Variants in CSMD1 observed in about 807,000 individuals in gnomAD.
The protein encoded by CSMD1 is CUB and sushi domain-containing protein 1.
A neutral mutation model predicts 417.5 loss-of-function variants in CSMD1; 213 were observed. The ratio of observed to expected loss-of-function variants is 0.51; its 90% CI spans 0.46 to 0.57. The LOEUF is 0.57. Ranked by LOEUF, CSMD1 falls within the 20% of genes least tolerant of loss-of-function variation. The pLI is 0.00. For synonymous variants in CSMD1, 2,862 were observed against 1,736.8 expected, an observed-to-expected ratio of 1.65 and a Z score of -16.11; for missense variants, 6,923 against 4,529.7, an observed-to-expected ratio of 1.53 and a Z score of -15.17.
chr8:4,419,676 A>C (rs770166965), intron 3 of CSMD1, among the ~76,000 whole-genome samples: 2 of 152,194 alleles, frequency 1.3e-5, no homozygotes, highest in Non-Finnish European at 2.9e-5. Flanking sequence ...GTTTATAGTC[A>C]AATTTCTCAA....
At chr8:4,019,945 G>T (rs1475545193) in intron 4 of CSMD1, among the ~76,000 whole-genome samples, 5 of 147,372 alleles carry the variant, frequency 3.4e-5, no homozygotes, top group African/African-American at 5.0e-5. Context: ...TTTTTTTTAA[G>T]AGCTACCAAT....
At chr8:3,468,472 C>A (rs1430778501) in intron 12 of CSMD1, among the ~76,000 whole-genome samples, 2 of 152,180 alleles carry the variant, frequency 1.3e-5, no homozygotes, top group African/African-American at 4.8e-5. Flanking sequence ...TAATACTTCA[C>A]CTCACTCTTT....
intron 3 of CSMD1, among the ~76,000 whole-genome samples, chr8:4,260,018 G>A (rs997913815): frequency 1.5e-5 from 1 of 66,780 alleles, no homozygotes; most frequent in African/African-American, 4.4e-5. Flanking sequence ...ATGTCTTCTT[G>A]TGCACACTTT....
intron 6 of CSMD1, among the ~76,000 whole-genome samples, chr8:3,748,515 G>A (rs1329217309): frequency 6.6e-6 from 1 of 152,132 alleles, no homozygotes; most frequent in Non-Finnish European, 1.5e-5. Context: ...TCCGCTAAAC[G>A]TAACTGAGCA....
rs546073589 is a variant in CSMD1 at position 3,157,077 on chromosome 8, C to A, written c.5914+820G>T. On this transcript the variant is annotated intron_variant, in intron 39 of 69. Coordinates refer to ENST00000635120, the MANE Select transcript of CSMD1 (RefSeq NM_033225.6). ...AGAACAACAATAGGTTTGGAGAAGC[C>A]GATCACTTTGTGGGTTGCGGGTAAG... 3.4e-4 allele frequency among the ~76,000 whole-genome samples: 52 copies of A among 151,858 alleles called. No individual in the cohort carries two copies. The South Asian group carries it at 9.6e-3, about 28-fold the overall frequency.
At chr8:3,960,767 G>A (rs1001392979) in intron 5 of CSMD1, among the ~76,000 whole-genome samples, 1 of 151,676 alleles carries the variant, frequency 6.6e-6, no homozygotes. Flanking sequence ...ATCAAGAAGT[G>A]ATAAAAACAT....
intron 3 of CSMD1, among the ~76,000 whole-genome samples, chr8:4,093,539 G>A (rs957409024): frequency 2.6e-5 from 4 of 152,080 alleles, no homozygotes; most frequent in African/African-American, 7.2e-5. Context: ...TACATACTAC[G>A]AGTTTTCTCT....
At chr8:3,188,517 G>A (rs866641239) in intron 35 of CSMD1, among the ~76,000 whole-genome samples, 1 of 151,678 alleles carries the variant, frequency 6.6e-6, no homozygotes, top group African/African-American at 2.4e-5. Flanking sequence ...ATGTTGGCCA[G>A]GCTAGTCTTG....
At chr8:4,120,142 C>A (rs556729025) in intron 3 of CSMD1, among the ~76,000 whole-genome samples, 82 of 152,162 alleles carry the variant, frequency 5.4e-4, no homozygotes, top group Non-Finnish European at 9.9e-4. Flanking sequence ...ACATCGCATG[C>A]CTGTATCAAA....
chr8:4,344,383 G>C (rs1269756453), intron 3 of CSMD1, among the ~76,000 whole-genome samples: 2 of 152,012 alleles, frequency 1.3e-5, no homozygotes, highest in Non-Finnish European at 1.5e-5. Context: ...ATACGCTCAA[G>C]CTCAGAGAGT....
Position 4,754,792 on chromosome 8 carries a change from T to C in CSMD1, c.86-117234A>G, listed in dbSNP as rs187476700. Among the ~76,000 whole-genome samples, 115 of 152,082 alleles carry C rather than the reference T, an allele frequency of 7.6e-4. 1 individual carries two copies. Among genetic ancestry groups the C allele is most frequent in the African/African-American group, 2.5e-3 (105 of 41,482 alleles). On this transcript the variant is annotated intron_variant, in intron 1 of 69. Transcript: ENST00000635120. ...TGAACCCAGGAAGCAGAGGTTGCAG[T>C]GAGCCGAGATCGCACCACTGCACTC...
intron 23 of CSMD1, among the ~76,000 whole-genome samples, chr8:3,330,411 A>C (rs1011010745): frequency 6.6e-6 from 1 of 152,264 alleles, no homozygotes; most frequent in Non-Finnish European, 1.5e-5. Flanking sequence ...AATACTACAC[A>C]GCCATAAAAA....
chr8:4,056,279 C>T (rs1798686022), intron 3 of CSMD1, among the ~76,000 whole-genome samples: 3 of 151,660 alleles, frequency 2.0e-5, no homozygotes, highest in African/African-American at 4.8e-5. Flanking sequence ...GATGGAGTTT[C>T]ACCATGTTGG....
rs1383475657 is a variant in CSMD1 at position 3,387,656 on chromosome 8, G to T, written c.2620C>A (p.Leu874Met). Residue 874 changes from leucine (L) to methionine (M), a missense_variant, in exon 18 of 70, where the codon CTG (leucine) becomes ATG (methionine). Transcript: ENST00000635120. ...ESVTLESDSC[L>M]DPGIPVNGHR... ...CCGTTCACAGGGATGCCCGGGTCCAGGCAGGAATCCGACTCAAGCGTCACA... is the reference window on the plus strand; with the variant it reads ...CCGTTCACAGGGATGCCCGGGTCCATGCAGGAATCCGACTCAAGCGTCACA... The T allele has an allele frequency of 1.3e-6, 2 of 1,599,572 alleles. No homozygotes were observed. Among genetic ancestry groups the T allele is most frequent in the Non-Finnish European group, 1.7e-6 (2 of 1,172,840 alleles).
chr8:4,572,790 A>G (rs2725056), intron 2 of CSMD1, among the ~76,000 whole-genome samples: 67,074 of 151,992 alleles, frequency 0.44, 15,673 homozygotes, highest in South Asian at 0.54. Flanking sequence ...ACACAGTCCC[A>G]TATTTCTTGG....
intron 2 of CSMD1, among the ~76,000 whole-genome samples, chr8:4,562,822 A>G (rs1445810088): frequency 1.3e-5 from 2 of 152,208 alleles, no homozygotes; most frequent in South Asian, 2.1e-4. Context: ...ATCATTTATT[A>G]TGTTAGAATA....
intron 1 of CSMD1, among the ~76,000 whole-genome samples, chr8:4,779,039 A>G (rs925629710): frequency 1.3e-5 from 2 of 152,250 alleles, no homozygotes; most frequent in Non-Finnish European, 2.9e-5. Context: ...ATCTTAATCA[A>G]CATTTCAGGA....
chr8:4,776,782 G>A (rs987951210), intron 1 of CSMD1, among the ~76,000 whole-genome samples: 7 of 152,164 alleles, frequency 4.6e-5, no homozygotes, highest in Admixed American at 1.3e-4. Context: ...GAAAATACAA[G>A]GAATATTATA....
intron 3 of CSMD1, among the ~76,000 whole-genome samples, chr8:4,093,690 G>A (rs1177833062): frequency 6.6e-6 from 1 of 152,182 alleles, no homozygotes; most frequent in East Asian, 1.9e-4. Flanking sequence ...GCCGGGTGCA[G>A]AGGCTCACAA....
Sources: gnomAD v4.1 joint callset for allele counts (sites outside exome capture counted in the v4.1 genomes callset) on GRCh38, gnomAD v4.1.1 for gene constraint, MANE v1.5 for transcripts, NCBI Gene and HGNC (gene_info 2026-07-23, HGNC 2026-07-21) for gene names.